Variants in ADGRE2 observed in about 807,000 individuals in gnomAD.
ADGRE2 encodes adhesion G protein-coupled receptor E2, also known as CD97 antigen.
A neutral mutation model predicts 100.8 loss-of-function variants in ADGRE2; 83 were observed. That is an observed-to-expected ratio of 0.82 (90% confidence interval 0.69 to 0.99). ADGRE2 has a LOEUF of 0.99. ADGRE2 is among the 50% of genes least tolerant of loss of function. The pLI is 0.00. For synonymous variants in ADGRE2, 355 were observed against 413.0 expected, an observed-to-expected ratio of 0.86 and a Z score of 1.70; for missense variants, 814 against 1,035.7, an observed-to-expected ratio of 0.79 and a Z score of 2.94.
intron 5 of ADGRE2, among the ~76,000 whole-genome samples, chr19:14,769,220 C>A (rs1035518505): frequency 2.6e-5 from 4 of 151,864 alleles, no homozygotes; most frequent in African/African-American, 4.8e-5. Flanking sequence ...TGAGACACCC[C>A]CCCCCCATCT....
chr19:14,770,593 T>C (rs1479375867), intron 5 of ADGRE2, among the ~76,000 whole-genome samples: 2 of 152,036 alleles, frequency 1.3e-5, no homozygotes, highest in Non-Finnish European at 2.9e-5. Flanking sequence ...AACCTCTCCA[T>C]TCCCCAAATG....
At chr19:14,724,712 G>C in the ADGRE2 span, among the ~76,000 whole-genome samples, 1 of 148,918 alleles carries the variant, frequency 6.7e-6, no homozygotes, top group Non-Finnish European at 1.5e-5. Context: ...GTTGCAGTGA[G>C]CCGACATCAT....
chr19:14,762,330 T>C (rs2043755790), intron 11 of ADGRE2, among the ~76,000 whole-genome samples: 1 of 151,938 alleles, frequency 6.6e-6, no homozygotes, highest in South Asian at 2.1e-4. Context: ...TATTGATAAA[T>C]GCTATGGCAT....
In ADGRE2 at chr19:14,743,417, T is replaced by C. The variant is rs1220700889; in HGVS notation, c.2463+3A>G. On this transcript the variant is annotated splice_donor_region_variant and intron_variant, in intron 20 of 20. Transcript: ENST00000315576. Reference sequence around the variant, plus strand: ...AGTGCTCTGGAGCAATGCGTGATCTTACCGTGCTGGGTTTGGAGGTGTCAG... The same window carrying C: ...AGTGCTCTGGAGCAATGCGTGATCTCACCGTGCTGGGTTTGGAGGTGTCAG... 1 of 1,613,156 alleles carries C rather than the reference T, an allele frequency of 6.2e-7. No individual in the cohort carries two copies. The highest frequency in any genetic ancestry group is 1.1e-5 in the South Asian group (1 of 91,060).
chr19:14,757,153 T>C (rs1419126656), intron 11 of ADGRE2, among the ~76,000 whole-genome samples: 1 of 152,190 alleles, frequency 6.6e-6, no homozygotes, highest in African/African-American at 2.4e-5. Flanking sequence ...TTCTCCCACC[T>C]TGGTGGCCTC....
At chr19:14,753,679 A>G (rs1253006188) in intron 14 of ADGRE2, among the ~76,000 whole-genome samples, 1 of 152,024 alleles carries the variant, frequency 6.6e-6, no homozygotes, top group Non-Finnish European at 1.5e-5. Context: ...CTGTAGTCCC[A>G]GCTACTCAGG....
At chr19:14,778,082 A>G (rs538363983) in intron 1 of ADGRE2, among the ~76,000 whole-genome samples, 175 bp downstream of exon 1, 2 of 152,296 alleles carry the variant, frequency 1.3e-5, no homozygotes, top group South Asian at 4.1e-4. Flanking sequence ...TATCTTCCAC[A>G]ATGGTTGAAC....
At chr19:14,776,668 A>G (rs1367425298) in intron 2 of ADGRE2, 58 bp downstream of exon 2, 2 of 1,567,310 alleles carry the variant, frequency 1.3e-6, no homozygotes, top group African/African-American at 1.4e-5. Context: ...AGACGCATCC[A>G]AGGGGTCCCG....
At chr19:14,773,041 T>C (rs2044268413) in intron 4 of ADGRE2, among the ~76,000 whole-genome samples, 1 of 120,666 alleles carries the variant, frequency 8.3e-6, no homozygotes, top group African/African-American at 3.3e-5. Flanking sequence ...ATCGCGCCAC[T>C]GCACTCCTCA....
intron 18 of ADGRE2, among the ~76,000 whole-genome samples, chr19:14,745,456 T>C (rs117573177): frequency 0.011 from 1,602 of 152,284 alleles, 8 homozygotes; most frequent in Non-Finnish European, 0.017. Context: ...TACAACATAT[T>C]GTGAACTAGA....
downstream of ADGRE2, among the ~76,000 whole-genome samples, chr19:14,730,821 T>A (rs141761300): frequency 2.0e-3 from 296 of 151,776 alleles, 2 homozygotes; most frequent in South Asian, 4.6e-3. Flanking sequence ...CCCTCCTCCA[T>A]CTAGTAGTCC....
Position 14,773,308 on chromosome 19 carries a change from T to C in ADGRE2, c.199+630A>G, listed in dbSNP as rs558337136. On this transcript the variant is annotated intron_variant, in intron 4 of 20. Transcript: ENST00000315576. ...TTCCTCCCTTCCTTCCTTCCTTCTT[T>C]CCTCCCTCCCTCCCTCCCTCCTTTC... Among the ~76,000 whole-genome samples, 235 of 145,644 alleles carry C rather than the reference T, an allele frequency of 1.6e-3. 1 individual carries two copies. The highest frequency in any genetic ancestry group is 4.8e-3 in the African/African-American group (189 of 39,108).
At chr19:14,772,263 C>A (rs1274152122) in intron 5 of ADGRE2, 79 bp downstream of exon 5, 14 of 1,588,956 alleles carry the variant, frequency 8.8e-6, no homozygotes, top group Non-Finnish European at 1.1e-5. Context: ...GGTACCTGCT[C>A]CCTGGATGCT....
intron 11 of ADGRE2, among the ~76,000 whole-genome samples, chr19:14,763,426 T>C (rs974512843): frequency 2.0e-5 from 3 of 152,202 alleles, no homozygotes; most frequent in South Asian, 4.2e-4. Flanking sequence ...TATTAATTTA[T>C]AGTATTCCAA....
In ADGRE2 at chr19:14,755,913, G is replaced by T. The variant is rs756423820; in HGVS notation, c.1193-36C>A. On this transcript the variant is annotated intron_variant, in intron 12 of 20. Coordinates refer to ENST00000315576, the MANE Select transcript of ADGRE2 (RefSeq NM_013447.4). Reference sequence around the variant, plus strand: ...AGGCCAAGGTTGAATCTTGGAGTAGGTTGAATCTCTGGGTCCACACCAGAG... The same window carrying T: ...AGGCCAAGGTTGAATCTTGGAGTAGTTTGAATCTCTGGGTCCACACCAGAG... 32 of 1,573,200 alleles carry T rather than the reference G, an allele frequency of 2.0e-5. No homozygotes were observed. The Admixed American group carries it at 5.0e-4, about 25-fold the overall frequency.
intron 14 of ADGRE2, among the ~76,000 whole-genome samples, chr19:14,754,477 A>ATCTATCTGTCTG (rs144447992): frequency 1.3e-5 from 2 of 150,150 alleles, no homozygotes; most frequent in African/African-American, 2.5e-5. Flanking sequence ...CTATCTATCT[A>ATCTATCTGTCTG]TCTATCTATC....
chr19:14,726,270 C>T, the ADGRE2 span, among the ~76,000 whole-genome samples: 7 of 152,138 alleles, frequency 4.6e-5, no homozygotes, highest in East Asian at 3.9e-4. Context: ...GGAACTGGCC[C>T]GCTAAATCAT....
At chr19:14,744,245 CAAA>C (rs35716148) in intron 18 of ADGRE2, among the ~76,000 whole-genome samples, 14,632 of 141,524 alleles carry the variant, frequency 0.1, 2,420 homozygotes, top group African/African-American at 0.35. Flanking sequence ...GACTCTGTCT[CAAA>C]AAAAAAAAAA....
In ADGRE2 at chr19:14,734,858, G is replaced by A. The variant is rs2042720486; in HGVS notation, c.*1378C>T. Reference sequence around the variant, plus strand: ...CAGATTTTATAGACAGGCTTGAGAAGGCGGTGTCTGATTTACCTAGGGCCT... The same window carrying A: ...CAGATTTTATAGACAGGCTTGAGAAAGCGGTGTCTGATTTACCTAGGGCCT... On this transcript the variant is annotated 3_prime_UTR_variant, in exon 21 of 21. Coordinates refer to ENST00000315576, the MANE Select transcript of ADGRE2 (RefSeq NM_013447.4). 1 of 152,234 alleles carries A rather than the reference G, an allele frequency of 6.6e-6. No individual in the cohort carries two copies. Among genetic ancestry groups the A allele is most frequent in the Non-Finnish European group, 1.5e-5 (1 of 68,070 alleles). The allele number at this position is 152,234 out of a possible 1,614,324, so 9.4% of individuals were successfully genotyped here.
Sources: gnomAD v4.1 joint callset for allele counts (sites outside exome capture counted in the v4.1 genomes callset) on GRCh38, gnomAD v4.1.1 for gene constraint, MANE v1.5 for transcripts, NCBI Gene and HGNC (gene_info 2026-07-23, HGNC 2026-07-21) for gene names.